CSMD1: variants seen among roughly 807,000 people sequenced by gnomAD.
The protein encoded by CSMD1 is CUB and sushi domain-containing protein 1.
Under a neutral mutation model 417.5 loss-of-function variants are expected in CSMD1, and 213 were observed. That is an observed-to-expected ratio of 0.51 (90% CI 0.46 to 0.57). The LOEUF (loss-of-function observed/expected upper bound fraction) is 0.57. Among genes scored for constraint, CSMD1 ranks in the 20% least tolerant of loss-of-function variants. The pLI is 0.00. For synonymous variants in CSMD1, 2,862 were observed against 1,736.8 expected, an observed-to-expected ratio of 1.65 and a Z score of -16.11; for missense variants, 6,923 against 4,529.7, an observed-to-expected ratio of 1.53 and a Z score of -15.17.
intron 6 of CSMD1, among the ~76,000 whole-genome samples, chr8:3,728,882 G>A (rs1802649550): frequency 6.6e-6 from 1 of 152,146 alleles, no homozygotes; most frequent in African/African-American, 2.4e-5. Flanking sequence ...AGGGATACTG[G>A]CATCCACGTG....
chr8:4,494,449 G>A (rs1186787609), intron 2 of CSMD1, among the ~76,000 whole-genome samples: 1 of 152,114 alleles, frequency 6.6e-6, no homozygotes, highest in Non-Finnish European at 1.5e-5. Context: ...TATATTGCTT[G>A]AAAACATTAT....
chr8:3,198,020 T>C (rs1438273958), intron 33 of CSMD1, among the ~76,000 whole-genome samples: 2 of 152,202 alleles, frequency 1.3e-5, no homozygotes, highest in Admixed American at 1.3e-4. Context: ...AGAGTCGTCA[T>C]ATACTCTTGA....
intron 1 of CSMD1, among the ~76,000 whole-genome samples, chr8:4,779,976 T>C (rs1226235812): frequency 6.6e-6 from 1 of 152,190 alleles, no homozygotes. Context: ...AATAAATTCT[T>C]GGCTTTTCAG....
chr8:4,311,857 G>C (rs1177256316), intron 3 of CSMD1, among the ~76,000 whole-genome samples: 3 of 152,166 alleles, frequency 2.0e-5, no homozygotes, highest in East Asian at 3.9e-4. Context: ...ATCACTGTTA[G>C]GTACTGGGTA....
intron 3 of CSMD1, among the ~76,000 whole-genome samples, chr8:4,177,938 A>G (rs1255517992): frequency 1.6e-4 from 24 of 152,122 alleles, no homozygotes; most frequent in Admixed American, 1.6e-3. Context: ...GCAACAATCA[A>G]TAGCTTATCA....
chr8:3,686,879 T>A (rs560269465), intron 7 of CSMD1, among the ~76,000 whole-genome samples: 1 of 152,212 alleles, frequency 6.6e-6, no homozygotes. Context: ...TAATCTTTCT[T>A]ATGTCGATTT....
At chr8:4,950,968 A>G (rs1033820698) in intron 1 of CSMD1, among the ~76,000 whole-genome samples, 2 of 102,742 alleles carry the variant, frequency 1.9e-5, no homozygotes, top group African/African-American at 9.0e-5. Flanking sequence ...GTGGTAAAAA[A>G]AACAAAAACA....
intron 11 of CSMD1, 150 bp from the exon 12 acceptor site, chr8:3,468,974 A>G: frequency 1.9e-6 from 1 of 539,174 alleles, no homozygotes; most frequent in Non-Finnish European, 3.3e-6. Context: ...CCTCTGGTCC[A>G]TTATATTAAT....
intron 5 of CSMD1, among the ~76,000 whole-genome samples, chr8:3,862,535 C>A (rs982192263): frequency 6.6e-6 from 1 of 152,174 alleles, no homozygotes; most frequent in Non-Finnish European, 1.5e-5. Context: ...ATAAAATTCA[C>A]CTTTTCTTTG....
At chr8:4,086,306 G>T (rs748114179) in intron 3 of CSMD1, among the ~76,000 whole-genome samples, 1 of 152,164 alleles carries the variant, frequency 6.6e-6, no homozygotes, top group Non-Finnish European at 1.5e-5. Flanking sequence ...ACAGTCATCA[G>T]ACAGAAGTTC....
chr8:3,923,359 T>C (rs1286656602), intron 5 of CSMD1, among the ~76,000 whole-genome samples: 2 of 152,208 alleles, frequency 1.3e-5, no homozygotes, highest in African/African-American at 4.8e-5. Context: ...TTTTTTTCGC[T>C]TGTCCCCTTC....
chr8:3,962,140 A>G (rs2140342), intron 5 of CSMD1, among the ~76,000 whole-genome samples: 95,752 of 151,918 alleles, frequency 0.63, 30,664 homozygotes, highest in East Asian at 0.93. Flanking sequence ...TCCAGCCCAC[A>G]CCTGAGCACC....
At chr8:4,228,614 C>T (rs996671291) in intron 3 of CSMD1, among the ~76,000 whole-genome samples, 1 of 149,704 alleles carries the variant, frequency 6.7e-6, no homozygotes, top group Non-Finnish European at 1.5e-5. Context: ...TTCCTACCCT[C>T]ACTTCCCAAG....
Position 4,280,604 on chromosome 8 carries a change from A to AG in CSMD1, c.415+139348dup, listed in dbSNP as rs536052303. ...GCTGGGAAAAATGGGTACTGTTTGA[A>AG]GGTAAACCTATGTTGATAATAACTT... On this transcript the variant is annotated intron_variant, in intron 3 of 69. Transcript: ENST00000635120. Among the ~76,000 whole-genome samples the AG allele has an allele frequency of 5.8e-4, 88 of 152,326 alleles. No homozygotes were observed. In the East Asian group the frequency reaches 0.016, roughly 28 times the overall value.
chr8:3,377,258 T>C (rs1810369156), intron 18 of CSMD1, among the ~76,000 whole-genome samples: 1 of 152,140 alleles, frequency 6.6e-6, no homozygotes, highest in Non-Finnish European at 1.5e-5. Context: ...GCAATCTATC[T>C]ACCTCAGCCT....
intron 1 of CSMD1, among the ~76,000 whole-genome samples, chr8:4,746,743 G>A (rs1051103980): frequency 6.6e-6 from 1 of 151,992 alleles, no homozygotes; most frequent in Admixed American, 6.6e-5. Context: ...GGGAGTCACC[G>A]GTAGAACCTT....
intron 49 of CSMD1, among the ~76,000 whole-genome samples, chr8:3,067,612 T>A (rs1172871461): frequency 1.3e-5 from 2 of 149,518 alleles, no homozygotes; most frequent in African/African-American, 4.9e-5. Flanking sequence ...ATATAGTATA[T>A]AATATATAAA....
intron 3 of CSMD1, among the ~76,000 whole-genome samples, chr8:4,314,900 G>T (rs186024499): frequency 2.0e-5 from 3 of 152,198 alleles, no homozygotes; most frequent in Admixed American, 1.3e-4. Flanking sequence ...AACATAATTG[G>T]GCTCCTAAAA....
intron 41 of CSMD1, 61 bp from the exon 42 acceptor site, chr8:3,118,648 T>C (rs551741828): frequency 6.7e-7 from 1 of 1,481,766 alleles, no homozygotes; most frequent in African/African-American, 1.4e-5. Context: ...ACTTCGGAAT[T>C]TGCAGGAGTG....
Sources: gnomAD v4.1 joint callset for allele counts (sites outside exome capture counted in the v4.1 genomes callset) on GRCh38, gnomAD v4.1.1 for gene constraint, MANE v1.5 for transcripts, NCBI Gene and HGNC (gene_info 2026-07-23, HGNC 2026-07-21) for gene names.